The following DAB1 variants were observed in gnomAD, a reference collection of about 807,000 sequenced individuals.
DAB1 encodes DAB adaptor protein 1.
Under a neutral mutation model 64.6 loss-of-function variants are expected in DAB1, and 15 were observed. The observed-to-expected ratio is 0.23, with a 90% CI of 0.16 to 0.36. The LOEUF is 0.36. Among genes scored for constraint, DAB1 ranks in the 10% least tolerant of loss-of-function variants. The pLI is 1.00. For synonymous variants in DAB1, 235 were observed against 251.9 expected, an observed-to-expected ratio of 0.93 and a Z score of 0.64; for missense variants, 596 against 706.7, an observed-to-expected ratio of 0.84 and a Z score of 1.78.
At chr1:57,387,492 A>C (rs1275222423) in intron 1 of DAB1, 1 of 152,162 alleles carries the variant, frequency 6.6e-6, no homozygotes, top group Non-Finnish European at 1.5e-5. Context: ...ACACACACAC[A>C]CACACGCTCC....
chr1:57,694,481 C>T (rs928719583), intron 6 of DAB1, among the ~76,000 whole-genome samples: 12 of 152,072 alleles, frequency 7.9e-5, no homozygotes, highest in African/African-American at 2.9e-4. Context: ...CAATTGACAA[C>T]TTGATAAGCA....
intron 9 of DAB1, among the ~76,000 whole-genome samples, chr1:57,035,824 G>A (rs1440536422): frequency 7.2e-6 from 1 of 138,200 alleles, no homozygotes; most frequent in African/African-American, 2.7e-5. Context: ...TTTCAGTAAC[G>A]CACATGCACT....
At chr1:57,971,113 T>G (rs1178385606) in intron 5 of DAB1, among the ~76,000 whole-genome samples, 1 of 152,210 alleles carries the variant, frequency 6.6e-6, no homozygotes, top group Non-Finnish European at 1.5e-5. Flanking sequence ...GGAGGCATTC[T>G]GAGAGGTCAG....
intron 5 of DAB1, among the ~76,000 whole-genome samples, chr1:58,127,545 C>A (rs1440828888): frequency 6.6e-6 from 1 of 151,998 alleles, no homozygotes; most frequent in Non-Finnish European, 1.5e-5. Context: ...ATGCCTATGT[C>A]CTGAATGGTA....
chr1:57,171,731 G>A (rs1661788090), intron 2 of DAB1, among the ~76,000 whole-genome samples: 1 of 152,166 alleles, frequency 6.6e-6, no homozygotes, highest in Non-Finnish European at 1.5e-5. Flanking sequence ...AATAGGATGT[G>A]TTATACACCT....
intron 3 of DAB1, among the ~76,000 whole-genome samples, chr1:58,400,850 G>A (rs775867987): frequency 6.6e-6 from 1 of 151,850 alleles, no homozygotes; most frequent in Non-Finnish European, 1.5e-5. Flanking sequence ...GAATAATTAC[G>A]CATTTTGATA....
At chr1:57,240,977 C>T (rs1315578826) in intron 2 of DAB1, among the ~76,000 whole-genome samples, 5 of 152,160 alleles carry the variant, frequency 3.3e-5, no homozygotes, top group South Asian at 2.1e-4. Context: ...CATATCTGCT[C>T]ATATGAACTA....
chr1:57,877,978 T>C (rs1030504594), intron 1 of DAB1, among the ~76,000 whole-genome samples: 1 of 152,226 alleles, frequency 6.6e-6, no homozygotes, highest in Non-Finnish European at 1.5e-5. Flanking sequence ...GTAGAGAGGT[T>C]CACTCTTAAT....
chr1:57,233,767 T>TA (rs1667882426), intron 2 of DAB1, among the ~76,000 whole-genome samples: 1 of 151,252 alleles, frequency 6.6e-6, no homozygotes, highest in African/African-American at 2.4e-5. Flanking sequence ...TCAAAAAAAA[T>TA]AAAAATAAAA....
intron 6 of DAB1, among the ~76,000 whole-genome samples, chr1:57,799,630 T>C (rs1334378390): frequency 6.7e-6 from 1 of 150,310 alleles, no homozygotes; most frequent in Admixed American, 6.6e-5. Context: ...GAGGAGACAA[T>C]GGATTAGAAC....
rs77696297 is a variant in DAB1, at chr1:57,813,391, T to C, written n.551+70608A>G. 8.1e-3 allele frequency among the ~76,000 whole-genome samples: 1,228 copies of C among 152,336 alleles called. 19 individuals carry two copies. The highest frequency in any genetic ancestry group is 0.028 in the African/African-American group (1,161 of 41,574). On this transcript the variant is annotated intron_variant and non_coding_transcript_variant, in intron 6 of 20. Coordinates refer to the DAB1 transcript ENST00000485760. ...TCATTCATCATCATATTTTCAAATA[T>C]CTCAAACATCGAGATCCTTTTGTGT...
intron 2 of DAB1, among the ~76,000 whole-genome samples, chr1:57,233,584 C>T (rs1274581413): frequency 2.0e-5 from 3 of 151,760 alleles, no homozygotes; most frequent in Admixed American, 2.0e-4. Context: ...CATGGTGAAA[C>T]CCCGTCTCTA....
At chr1:57,832,833 T>C (rs952678418) in intron 1 of DAB1, among the ~76,000 whole-genome samples, 13 of 152,118 alleles carry the variant, frequency 8.5e-5, no homozygotes, top group African/African-American at 3.1e-4. Flanking sequence ...CTCAGATGCC[T>C]GGGCATTTTT....
intron 1 of DAB1, among the ~76,000 whole-genome samples, chr1:57,352,683 T>C (rs1297813240): frequency 1.3e-5 from 2 of 152,184 alleles, no homozygotes; most frequent in East Asian, 3.9e-4. Flanking sequence ...ATTCTAGTAA[T>C]TTGGAACATT....
intron 2 of DAB1, among the ~76,000 whole-genome samples, chr1:57,265,496 T>C (rs1205571398): frequency 6.6e-6 from 1 of 152,010 alleles, no homozygotes; most frequent in Non-Finnish European, 1.5e-5. Flanking sequence ...TCTTTAATTA[T>C]ATCTACACAA....
intron 5 of DAB1, among the ~76,000 whole-genome samples, chr1:57,918,681 G>A (rs749736846): frequency 1.2e-4 from 19 of 152,182 alleles, no homozygotes; most frequent in South Asian, 4.2e-4. Context: ...AAAATTAGCC[G>A]GGCATGGTGG....
At position 57,072,423 on chromosome 1, in the gene DAB1, GA is replaced by G. The variant is rs530942620; in HGVS notation, c.307-10del. 2,125 of 1,595,632 alleles carry G rather than the reference GA, an allele frequency of 1.3e-3. 24 individuals carry two copies. In the African/African-American group the frequency reaches 0.023, roughly 17 times the overall value. ...TGATGATGCTGAAGGGCCTATCAGA[GA>G]AAAAAAAGGAAGAACATATTTCAGG... On this transcript the variant is annotated splice_polypyrimidine_tract_variant and intron_variant, in intron 4 of 14. Coordinates refer to ENST00000371236, the MANE Select transcript of DAB1 (RefSeq NM_001365792.1).
chr1:58,105,941 G>A (rs996979536), intron 5 of DAB1, among the ~76,000 whole-genome samples: 11 of 151,832 alleles, frequency 7.2e-5, no homozygotes, highest in Non-Finnish European at 1.5e-4. Flanking sequence ...ATTTATGATG[G>A]GCCTGGCACT....
intron 5 of DAB1, among the ~76,000 whole-genome samples, chr1:58,129,358 A>G (rs1292572520): frequency 1.4e-5 from 2 of 139,610 alleles, no homozygotes; most frequent in Non-Finnish European, 1.6e-5. Flanking sequence ...TTTTTTCTTT[A>G]TTAGTCTTGC....
Sources: allele counts gnomAD v4.1 joint callset (sites outside exome capture counted in the v4.1 genomes callset), GRCh38; gene constraint gnomAD v4.1.1; transcripts MANE v1.5; gene names NCBI Gene and HGNC (gene_info 2026-07-23, HGNC 2026-07-21).